The following ICE2 variants were observed in gnomAD, a reference collection of about 807,000 sequenced individuals.
ICE2 encodes interactor of little elongation complex ELL subunit 2, also known as little elongation complex subunit 2.
Under a neutral mutation model 105.4 loss-of-function variants are expected in ICE2, and 87 were observed. The observed-to-expected ratio is 0.83, with a 90% CI of 0.69 to 0.99. The LOEUF is 0.99. ICE2 is among the 50% of genes least tolerant of loss of function. ICE2 has a pLI of 0.00. For missense variants in ICE2, 1,323 were observed against 1,146.7 expected (o/e 1.15, Z -2.22); for synonymous variants, 399 against 392.0 (o/e 1.02, Z -0.21).
chr15:60,449,091 C>A lies in ICE2; in HGVS notation c.1876G>T (p.Glu626Ter). 1 of 1,613,944 alleles carries A rather than the reference C, an allele frequency of 6.2e-7. No homozygotes were observed. The highest frequency in any genetic ancestry group is 8.5e-7 in the Non-Finnish European group (1 of 1,179,904). Residue 626 changes from glutamate to a stop codon, truncating the protein, a stop_gained, in exon 10 of 16, where the codon GAA becomes TAA. Transcript: ENST00000261520. LOFTEE classifies it high-confidence loss of function. ...GGTTTTTTTAAAACACATGACTCTT[C>A]AGGACTACAAGCAGTATTAGTCTGG... ...GNQTNTACSP[E>*]ESCVLKKPIK...
intron 12 of ICE2, chr15:60,441,418 C>T (rs890532617): frequency 7.2e-5 from 11 of 152,280 alleles, no homozygotes; most frequent in Middle Eastern, 3.4e-3. Context: ...AAGAAACACA[C>T]CCTCATAGGA....
intron 3 of ICE2, among the ~76,000 whole-genome samples, chr15:60,475,171 T>C (rs151313240): frequency 2.6e-5 from 4 of 152,362 alleles, no homozygotes; most frequent in African/African-American, 7.2e-5. Context: ...GGTGTATTTA[T>C]ACATTTTTCT....
At chr15:60,451,618 A>G in intron 9 of ICE2, 1 of 985,048 alleles carries the variant, frequency 1.0e-6, no homozygotes, top group African/African-American at 1.7e-5. Context: ...ACTTACTTTT[A>G]CCTGCACAAT....
intron 14 of ICE2, among the ~76,000 whole-genome samples, chr15:60,429,459 T>A (rs1322293922): frequency 6.6e-6 from 1 of 152,210 alleles, no homozygotes. Flanking sequence ...CAAACTATGT[T>A]GAACATCAAA....
At position 60,453,707 on chromosome 15, in the gene ICE2, T is replaced by A. The variant is rs904467731; in HGVS notation, c.1021A>T (p.Ile341Phe). The A allele has an allele frequency of 6.2e-7, 1 of 1,611,062 alleles. No homozygotes were observed. Among genetic ancestry groups the A allele is most frequent in the Admixed American group, 1.7e-5 (1 of 60,028 alleles). The stretch of plus-strand genomic sequence containing the variant: ...AATTTTAATGGAACTTCATGAAAGA[T>A]TTGATTTCTCTCTCTCATAGTCATT... ...KKMTMRERNQ[I>F]FHEVPLKFMM... The change falls in exon 9 of 16, where the codon ATC becomes TTC. Residue 341 changes from isoleucine (I) to phenylalanine (F), a missense_variant. Ile to Phe is a conservative substitution (Grantham distance 21). Coordinates refer to ENST00000261520, the MANE Select transcript of ICE2 (RefSeq NM_024611.6).
rs1203061644 is a variant in ICE2, at chr15:60,477,819, C to CT, written c.41+117dup. On this transcript the variant is annotated intron_variant, in intron 2 of 15. Coordinates refer to ENST00000261520, the MANE Select transcript of ICE2 (RefSeq NM_024611.6). ...TGAGGATAGGGTAAATTCTGAGACC[C>CT]TAAACTTGTATTTTCTGTTTCCTCC... The CT allele has an allele frequency of 7.5e-6, 7 of 927,214 alleles. No homozygotes were observed. In the African/African-American group the frequency reaches 1.1e-4, roughly 15 times the overall value. The allele number at this position is 927,214 out of a possible 1,614,324, so 57.4% of individuals were successfully genotyped here. A position where few individuals can be genotyped will look rare whatever the true frequency, so the allele number is the denominator to read the frequency against.
At position 60,420,445 on chromosome 15, in the gene ICE2, A is replaced by T. The variant is rs187515060; in HGVS notation, c.*3189T>A. 6.6e-6 allele frequency: 1 copy of T among 152,192 alleles called. No homozygotes were observed. Among genetic ancestry groups the T allele is most frequent in the African/African-American group, 2.4e-5 (1 of 41,422 alleles). The allele number at this position is 152,192 out of a possible 1,614,324, so 9.4% of individuals were successfully genotyped here. A position where few individuals can be genotyped will look rare whatever the true frequency, so the allele number is the denominator to read the frequency against. ...GCTTCCCAGCTCCATCGCATTCTCT[A>T]GACTAATGCCAACAAGAGCCCTTTT... On this transcript the variant is annotated 3_prime_UTR_variant, in exon 16 of 16. Transcript: ENST00000261520.
chr15:60,452,368 A>T, intron 9 of ICE2: 1 of 584,408 alleles, frequency 1.7e-6, no homozygotes, highest in Non-Finnish European at 2.2e-6. Flanking sequence ...CTCTGTCCAC[A>T]TTTCCTATCC....
At chr15:60,433,679 T>C (rs1357291491) in intron 13 of ICE2, among the ~76,000 whole-genome samples, 1 of 151,816 alleles carries the variant, frequency 6.6e-6, no homozygotes, top group Non-Finnish European at 1.5e-5. Context: ...TTAGTAGAGA[T>C]GGGGTTTCAC....
chr15:60,424,797 C>T (rs1442917998), intron 15 of ICE2, among the ~76,000 whole-genome samples: 10 of 152,182 alleles, frequency 6.6e-5, no homozygotes, highest in African/African-American at 2.4e-4. Context: ...TGAGCCACCG[C>T]GCCCAGCCAA....
intron 11 of ICE2, 109 bp downstream of exon 11, chr15:60,447,861 G>T: frequency 1.1e-6 from 1 of 869,834 alleles, no homozygotes; most frequent in Non-Finnish European, 1.7e-6. Context: ...AACTCAACCT[G>T]AAGATACTAC....
At chr15:60,471,029 A>G (rs888990531) in intron 3 of ICE2, among the ~76,000 whole-genome samples, 3 of 152,168 alleles carry the variant, frequency 2.0e-5, no homozygotes, top group Non-Finnish European at 4.4e-5. Context: ...AATTAACTTT[A>G]TAATACTAGA....
At chr15:60,473,477 G>A (rs2064667659) in intron 3 of ICE2, among the ~76,000 whole-genome samples, 2 of 152,176 alleles carry the variant, frequency 1.3e-5, no homozygotes, top group African/African-American at 2.4e-5. Flanking sequence ...TATTTTTGTA[G>A]AGACAGGGTC....
chr15:60,439,332 G>A (rs1408514607), intron 12 of ICE2: 1 of 152,134 alleles, frequency 6.6e-6, no homozygotes, highest in Admixed American at 6.5e-5. Context: ...AACAGTGCTT[G>A]TTACCTTCTT....
In ICE2 at chr15:60,442,555, A is replaced by G. The variant is rs1160343760; in HGVS notation, c.2296-10T>C. ...CATAAACTGGAAATTGCTGCAATGC[A>G]AAATTATACTTTTTCAAAGCTCTAT... On this transcript the variant is annotated splice_polypyrimidine_tract_variant and intron_variant, in intron 11 of 15. Coordinates refer to ENST00000261520, the MANE Select transcript of ICE2 (RefSeq NM_024611.6). The G allele has an allele frequency of 6.4e-7, 1 of 1,556,440 alleles. No individual in the cohort carries two copies. The highest frequency in any genetic ancestry group is 8.6e-7 in the Non-Finnish European group (1 of 1,158,442).
chr15:60,449,189 G>C lies in ICE2; in HGVS notation c.1778C>G (p.Ala593Gly). The C allele has an allele frequency of 1.9e-6, 3 of 1,614,022 alleles. No individual in the cohort carries two copies. The highest frequency in any genetic ancestry group is 2.5e-6 in the Non-Finnish European group (3 of 1,179,938). ...ECKNNSDGKT[A>G]VVGSNLSSRP... ...GGAACTTAAGTTAGAACCCACAACA[G>C]CTGTCTTTCCATCACTATTATTTTT... is the stretch of plus-strand genomic sequence containing the variant. Residue 593 changes from alanine (A) to glycine (G), a missense_variant, in exon 10 of 16, where the codon GCT becomes GGT. Transcript: ENST00000261520.
Position 60,455,141 on chromosome 15 carries a change from C to T in ICE2, c.805G>A (p.Ala269Thr), listed in dbSNP as rs1293498727. 6.3e-7 allele frequency: 1 copy of T among 1,580,708 alleles called. No homozygotes were observed. The highest frequency in any genetic ancestry group is 8.6e-7 in the Non-Finnish European group (1 of 1,169,356). Reference protein sequence around the residue: ...MHYDISKDPNAEKLVSRYHPQ... With the variant: ...MHYDISKDPNTEKLVSRYHPQ... Reference sequence around the variant, plus strand: ...TGATATCTGGAAACAAGCTTCTCTGCATTTGGATCTTTACTAATATCCTGA... The same window carrying T: ...TGATATCTGGAAACAAGCTTCTCTGTATTTGGATCTTTACTAATATCCTGA... The change falls in exon 8 of 16, where the codon GCA (alanine) becomes ACA (threonine). Residue 269 changes from alanine (A) to threonine (T), a missense_variant. Physicochemically the swap from Ala to Thr is moderately conservative, Grantham distance 58 (BLOSUM62 0). Transcript: ENST00000261520.
At chr15:60,426,274 G>A (rs1038009235) in intron 15 of ICE2, among the ~76,000 whole-genome samples, 2 of 152,136 alleles carry the variant, frequency 1.3e-5, no homozygotes, top group African/African-American at 4.8e-5. Flanking sequence ...CAACATAACA[G>A]TGCAATGTAT....
At position 60,423,444 on chromosome 15, in the gene ICE2, C is replaced by CAAGATCCTCCTCAAACTTT. The variant is rs1566963122; in HGVS notation, c.*189_*190insAAAGTTTGAGGAGGATCTT. 1 of 419,658 alleles carries CAAGATCCTCCTCAAACTTT rather than the reference C, an allele frequency of 2.4e-6. No individual in the cohort carries two copies. Among genetic ancestry groups the CAAGATCCTCCTCAAACTTT allele is most frequent in the Non-Finnish European group, 4.2e-6 (1 of 237,602 alleles). The allele number at this position is 419,658 out of a possible 1,614,324, so 26.0% of individuals were successfully genotyped here. ...ACATATCAAGATCCTCCTCAAACTT[C>CAAGATCCTCCTCAAACTTT]AAGGGTGAAAAGCATACCATTCCAT... On this transcript the variant is annotated 3_prime_UTR_variant, in exon 16 of 16. Coordinates refer to ENST00000261520, the MANE Select transcript of ICE2 (RefSeq NM_024611.6).
Sources: allele counts gnomAD v4.1 joint callset (sites outside exome capture counted in the v4.1 genomes callset), GRCh38; gene constraint gnomAD v4.1.1; transcripts MANE v1.5; gene names NCBI Gene and HGNC (gene_info 2026-07-23, HGNC 2026-07-21).